The following HPSE2 variants were observed in gnomAD, a reference collection of about 807,000 sequenced individuals.
HPSE2 encodes heparanase 2 (inactive).
HPSE2 carries 38 observed loss-of-function variants against 60.5 expected under a neutral mutation model. The ratio of observed to expected loss-of-function variants is 0.63; its 90% CI spans 0.48 to 0.82. The LOEUF (loss-of-function observed/expected upper bound fraction) is 0.82. HPSE2 is among the 40% of genes least tolerant of loss of function. HPSE2 has a pLI of 0.00. For synonymous variants in HPSE2, 295 were observed against 293.2 expected, an observed-to-expected ratio of 1.01 and a Z score of -0.06; for missense variants, 713 against 740.4, an observed-to-expected ratio of 0.96 and a Z score of 0.43.
chr10:98,757,397 T>A (rs1949902654), intron 3 of HPSE2, among the ~76,000 whole-genome samples: 1 of 152,042 alleles, frequency 6.6e-6, no homozygotes, highest in African/African-American at 2.4e-5. Flanking sequence ...AAATGATCTC[T>A]CTTCACAGAC....
chr10:98,624,640 C>G (rs536687201), intron 7 of HPSE2, among the ~76,000 whole-genome samples: 1 of 152,028 alleles, frequency 6.6e-6, no homozygotes, highest in Admixed American at 6.6e-5. Context: ...ATTTGTATAT[C>G]ATTTTAATTG....
At chr10:98,953,421 A>G (rs1271332523) in intron 3 of HPSE2, among the ~76,000 whole-genome samples, 1 of 152,110 alleles carries the variant, frequency 6.6e-6, no homozygotes, top group Admixed American at 6.5e-5. Context: ...TCTATCTAAT[A>G]CAGCAAGGAC....
chr10:98,464,734 T>C (rs1322553046), intron 11 of HPSE2, among the ~76,000 whole-genome samples: 1 of 152,250 alleles, frequency 6.6e-6, no homozygotes, highest in African/African-American at 2.4e-5. Flanking sequence ...CTGATCTTCC[T>C]GGATTGAGTT....
intron 3 of HPSE2, among the ~76,000 whole-genome samples, chr10:99,102,434 A>G (rs573345821): frequency 2.1e-4 from 32 of 152,326 alleles, no homozygotes; most frequent in African/African-American, 5.8e-4. Flanking sequence ...TAAACCAGGA[A>G]GAAGTTGAAT....
intron 3 of HPSE2, among the ~76,000 whole-genome samples, chr10:98,832,815 T>C (rs1168733876): frequency 2.0e-5 from 3 of 152,204 alleles, no homozygotes; most frequent in Non-Finnish European, 4.4e-5. Context: ...CATGAGCTAA[T>C]TTTGCAAGAG....
chr10:98,569,056 A>T (rs976304680), intron 9 of HPSE2, among the ~76,000 whole-genome samples: 3 of 126,440 alleles, frequency 2.4e-5, no homozygotes, highest in East Asian at 5.0e-4. Context: ...TTGTTATTTT[A>T]AAAAGTCTGA....
In HPSE2 at chr10:98,849,751, G is replaced by A. The variant is rs368670722; in HGVS notation, c.611-105695C>T. Among the ~76,000 whole-genome samples the A allele has an allele frequency of 4.9e-4, 75 of 152,072 alleles. 1 individual carries two copies. In the South Asian group the frequency reaches 0.015, roughly 31 times the overall value. On this transcript the variant is annotated intron_variant, in intron 3 of 11. Transcript: ENST00000370552. Reference sequence around the variant, plus strand: ...TAAGTTGGCCCTATTTAAGCTCCTCGATTTTTTTTTTTGAGACGGAGTCTC... The same window carrying A: ...TAAGTTGGCCCTATTTAAGCTCCTCAATTTTTTTTTTTGAGACGGAGTCTC...
intron 3 of HPSE2, among the ~76,000 whole-genome samples, chr10:98,765,004 T>C (rs578224106): frequency 6.6e-6 from 1 of 152,240 alleles, no homozygotes; most frequent in Non-Finnish European, 1.5e-5. Flanking sequence ...TAAAAGTACA[T>C]GTACCTAATA....
At chr10:99,294,905 G>C in the HPSE2 span, among the ~76,000 whole-genome samples, 3 of 151,814 alleles carry the variant, frequency 2.0e-5, no homozygotes, top group East Asian at 5.8e-4. Flanking sequence ...GCAGTGAGTC[G>C]AGATGGCGCC....
chr10:98,591,445 C>T (rs548658950), intron 9 of HPSE2, among the ~76,000 whole-genome samples: 1 of 152,226 alleles, frequency 6.6e-6, no homozygotes, highest in African/African-American at 2.4e-5. Flanking sequence ...GGCAGATCAC[C>T]TGAGGCTAGG....
chr10:99,167,219 C>T (rs141878863), intron 2 of HPSE2, among the ~76,000 whole-genome samples: 5,111 of 152,148 alleles, frequency 0.034, 299 homozygotes, highest in African/African-American at 0.12. Flanking sequence ...CCATGTTGGC[C>T]AGGCTGGTCT....
intron 3 of HPSE2, among the ~76,000 whole-genome samples, chr10:98,753,742 C>T (rs1949813478): frequency 1.3e-5 from 2 of 152,152 alleles, no homozygotes; most frequent in South Asian, 4.1e-4. Flanking sequence ...CCCAGAAATG[C>T]TTAGCTGAGC....
At chr10:99,274,695 A>T in the HPSE2 span, among the ~76,000 whole-genome samples, 1 of 152,230 alleles carries the variant, frequency 6.6e-6, no homozygotes, top group Non-Finnish European at 1.5e-5. Flanking sequence ...AGCTTTCAGA[A>T]CTTCCCATTC....
At chr10:98,965,989 T>A (rs1589437612) in intron 3 of HPSE2, among the ~76,000 whole-genome samples, 1 of 152,116 alleles carries the variant, frequency 6.6e-6, no homozygotes, top group East Asian at 1.9e-4. Flanking sequence ...CTCCTGGGCT[T>A]AAGCGATTCT....
intron 3 of HPSE2, among the ~76,000 whole-genome samples, chr10:98,941,278 A>G (rs1954991662): frequency 7.8e-6 from 1 of 128,364 alleles, no homozygotes; most frequent in African/African-American, 3.4e-5. Flanking sequence ...AATTAGGAAA[A>G]GAGGAAGTCA....
At chr10:99,302,576 T>C in the HPSE2 span, among the ~76,000 whole-genome samples, 2 of 152,048 alleles carry the variant, frequency 1.3e-5, no homozygotes, top group African/African-American at 4.8e-5. Flanking sequence ...AGGAAATTAA[T>C]TGGGCAGAAC....
chr10:99,293,456 T>C, the HPSE2 span, among the ~76,000 whole-genome samples: 1 of 152,302 alleles, frequency 6.6e-6, no homozygotes, highest in East Asian at 1.9e-4. Flanking sequence ...ACTTGGGCCA[T>C]TCATCACTTA....
chr10:99,089,198 T>C (rs902691091), intron 3 of HPSE2, among the ~76,000 whole-genome samples: 5 of 152,236 alleles, frequency 3.3e-5, no homozygotes, highest in Non-Finnish European at 5.9e-5. Flanking sequence ...CCATTTATTT[T>C]TGTTTTGGTT....
chr10:98,562,190 T>C (rs1944206036), intron 9 of HPSE2, among the ~76,000 whole-genome samples: 1 of 152,226 alleles, frequency 6.6e-6, no homozygotes, highest in African/African-American at 2.4e-5. Flanking sequence ...TACAGGTTTG[T>C]AGCCTAGGAG....
Sources: allele counts gnomAD v4.1 joint callset (sites outside exome capture counted in the v4.1 genomes callset), GRCh38; gene constraint gnomAD v4.1.1; transcripts MANE v1.5; gene names NCBI Gene and HGNC (gene_info 2026-07-23, HGNC 2026-07-21).